The following RNF103 variants were observed in gnomAD, a reference collection of about 807,000 sequenced individuals.
RNF103 encodes ring finger protein 103.
Under a neutral mutation model 66.2 loss-of-function variants are expected in RNF103, and 23 were observed. That is an observed-to-expected ratio of 0.35 (90% confidence interval 0.25 to 0.49). The LOEUF is 0.49. Among genes scored for constraint, RNF103 ranks in the 20% least tolerant of loss-of-function variants. RNF103 has a pLI of 0.98. For synonymous variants in RNF103, 297 were observed against 289.9 expected (o/e 1.02, Z -0.25); for missense variants, 730 against 814.7 (o/e 0.90, Z 1.27).
rs949835797 is a variant in RNF103, at chr2:86,612,199, C to T, written c.442G>A (p.Gly148Arg). 6.2e-7 allele frequency: 1 copy of T among 1,613,644 alleles called. No individual in the cohort carries two copies. The highest frequency in any genetic ancestry group is 8.5e-7 in the Non-Finnish European group (1 of 1,179,830). Residue 148 changes from glycine to arginine, a missense_variant, in exon 3 of 4, where the codon GGA (glycine) becomes AGA (arginine). Gly to Arg is a moderately radical substitution (Grantham distance 125, BLOSUM62 -2). This residue lies in a region of RNF103 where 327 missense variants were observed against 369.8 expected (regional missense o/e 0.88). Coordinates refer to ENST00000237455, the MANE Select transcript of RNF103 (RefSeq NM_005667.4). ...EKMVKKVSRF[G>R]IRTGTFNCSS... ...CAGTTAAATGTGCCTGTACGTATTC[C>T]AAATCTTGACACCTTTTTAACCATT...
chr2:86,604,190 A>T lies in RNF103; in HGVS notation c.1711T>A (p.Cys571Ser), dbSNP rs372535418. The T allele has an allele frequency of 6.8e-6, 11 of 1,613,790 alleles. No individual in the cohort carries two copies. The highest frequency in any genetic ancestry group is 8.5e-6 in the Non-Finnish European group (10 of 1,180,036). ...GCACATGAACAAGCCTCAGCATCAC[A>T]GTGACTTGCTGTTCCTGGAGAATTG... is the stretch of plus-strand genomic sequence containing the variant. Reference protein sequence around the residue: ...LHNSPGTASHCDAEACSCANK... With the variant: ...LHNSPGTASHSDAEACSCANK... Residue 571 changes from cysteine to serine, a missense_variant, in exon 4 of 4, where the codon TGT (cysteine) becomes AGT (serine). Physicochemically the swap from Cys to Ser is moderately radical, Grantham distance 112. Around this residue, in one of 3 missense-constraint regions of RNF103, gnomAD observed 355 missense variants for 351.9 expected, o/e 1.01. Coordinates refer to ENST00000237455, the MANE Select transcript of RNF103 (RefSeq NM_005667.4).
chr2:86,613,644 G>A (rs1181816399), intron 2 of RNF103: 1 of 152,154 alleles, frequency 6.6e-6, no homozygotes, highest in African/African-American at 2.4e-5. Context: ...TGTGTAAAAT[G>A]AGTGCTGACA....
intron 2 of RNF103, chr2:86,613,278 A>G (rs944222527): frequency 1.2e-4 from 19 of 152,204 alleles, no homozygotes; most frequent in Non-Finnish European, 2.2e-4. Flanking sequence ...GACTTCTCTT[A>G]TAAGTGTCAG....
chr2:86,615,281 T>C (rs1480364600), intron 2 of RNF103: 1 of 975,924 alleles, frequency 1.0e-6, no homozygotes, highest in East Asian at 1.1e-4. Flanking sequence ...AAAAATCTTG[T>C]AGGCATTGCA....
rs192990433 is a variant in RNF103 at position 86,605,091 on chromosome 2, A to T, written c.810T>A (p.Asn270Lys). 3.2e-5 allele frequency: 52 copies of T among 1,613,838 alleles called. No homozygotes were observed. The Admixed American group carries it at 6.3e-4, about 20-fold the overall frequency. Residue 270 changes from asparagine to lysine, a missense_variant, in exon 4 of 4, where the codon AAT becomes AAA. Around this residue, in one of 3 missense-constraint regions of RNF103, gnomAD observed 327 missense variants for 369.8 expected, o/e 0.88. Coordinates refer to ENST00000237455, the MANE Select transcript of RNF103 (RefSeq NM_005667.4). Reference sequence around the variant, plus strand: ...CTGTCATATAACTCTTGTTGTCCCAATTTTCTACATTAACAAAAATAAACT... The same window carrying T: ...CTGTCATATAACTCTTGTTGTCCCATTTTTCTACATTAACAAAAATAAACT... ...RVEFIFVNVE[N>K]WDNKSYMTDI...
At chr2:86,618,203 CTTCAT>C (rs1402535495) in intron 2 of RNF103, 3 of 248,472 alleles carry the variant, frequency 1.2e-5, no homozygotes, top group Non-Finnish European at 2.5e-5. Context: ...TTGTCCTTCA[CTTCAT>C]TTGTCACCTT....
chr2:86,603,413 A>G lies in RNF103; in HGVS notation c.*430T>C, dbSNP rs1678418746. On this transcript the variant is annotated 3_prime_UTR_variant, in exon 4 of 4. Transcript: ENST00000237455. ...ATCTGTAATCTTCTGGTTTTAAAAT[A>G]ATTTATTTCATAGGTCTGTTTTAAT... The G allele has an allele frequency of 6.4e-6, 1 of 156,834 alleles. No homozygotes were observed. The allele number at this position is 156,834 out of a possible 1,614,324, so 9.7% of individuals were successfully genotyped here. A position where few individuals can be genotyped will look rare whatever the true frequency, so the allele number is the denominator to read the frequency against.
intron 3 of RNF103, among the ~76,000 whole-genome samples, chr2:86,607,889 C>G (rs1678632710): frequency 6.6e-6 from 1 of 152,170 alleles, no homozygotes; most frequent in South Asian, 2.1e-4. Flanking sequence ...GTTCTAAGTG[C>G]AGACATTTCT....
At chr2:86,609,397 T>C (rs1678697310) in intron 3 of RNF103, among the ~76,000 whole-genome samples, 1 of 151,080 alleles carries the variant, frequency 6.6e-6, no homozygotes, top group Admixed American at 6.6e-5. Context: ...TTTTTTTTTT[T>C]TTTTTGAGAC....
At chr2:86,610,972 G>C (rs1192309580) in intron 3 of RNF103, among the ~76,000 whole-genome samples, 1 of 147,832 alleles carries the variant, frequency 6.8e-6, no homozygotes, top group Non-Finnish European at 1.5e-5. Context: ...AGATTCTGTG[G>C]TTACCAGCCT....
At chr2:86,610,067 A>C (rs966263802) in intron 3 of RNF103, among the ~76,000 whole-genome samples, 3 of 152,236 alleles carry the variant, frequency 2.0e-5, no homozygotes, top group Non-Finnish European at 4.4e-5. Flanking sequence ...TTCTATGGCA[A>C]GAACAATTCT....
intron 3 of RNF103, among the ~76,000 whole-genome samples, chr2:86,611,090 C>A (rs1678775142): frequency 6.6e-6 from 1 of 150,878 alleles, no homozygotes; most frequent in African/African-American, 2.4e-5. Context: ...GTGGGAAGAT[C>A]ACTTGAGCCC....
intron 2 of RNF103, among the ~76,000 whole-genome samples, chr2:86,615,520 TTATA>T (rs4019180): frequency 1.5e-4 from 22 of 142,310 alleles, no homozygotes; most frequent in Admixed American, 5.0e-4. Flanking sequence ...TACATATGCC[TTATA>T]TATATATATA....
intron 3 of RNF103, among the ~76,000 whole-genome samples, chr2:86,606,071 GC>G (rs1678533301): frequency 6.6e-6 from 1 of 152,120 alleles, no homozygotes; most frequent in African/African-American, 2.4e-5. Flanking sequence ...GCAACAGCAA[GC>G]CCCATATATT....
chr2:86,603,832 A>G lies in RNF103; in HGVS notation c.*11T>C. 1 of 1,594,320 alleles carries G rather than the reference A, an allele frequency of 6.3e-7. No individual in the cohort carries two copies. The highest frequency in any genetic ancestry group is 8.5e-7 in the Non-Finnish European group (1 of 1,171,934). On this transcript the variant is annotated 3_prime_UTR_variant, in exon 4 of 4. Transcript: ENST00000237455. ...GATACTCAAAGCTTATAAAGGACAA[A>G]TTGCACATGGTTAAGATGGGACATC...
chr2:86,623,022 G>T lies in RNF103; in HGVS notation c.-136C>A. 7.4e-7 allele frequency: 1 copy of T among 1,359,884 alleles called. No homozygotes were observed. Among genetic ancestry groups the T allele is most frequent in the Non-Finnish European group, 9.4e-7 (1 of 1,062,468 alleles). 84.2% of individuals were successfully genotyped at this position (1,359,884 alleles called of 1,614,324 possible). On this transcript the variant is annotated 5_prime_UTR_variant, in exon 1 of 4. Transcript: ENST00000237455. The stretch of plus-strand genomic sequence containing the variant: ...CGCGGGCCACCCGGCGCCGTCACTG[G>T]CCGGCCATCCCCGGCGGGGAAGCAG...
Position 86,619,125 on chromosome 2 carries a change from A to G in RNF103, c.366+1205T>C, listed in dbSNP as rs75140094. ...TACAGTACCATTTTATCCTTTTTAG[A>G]TGTATATGTATTTATTTGAGGCCAC... On this transcript the variant is annotated intron_variant, in intron 2 of 3. Transcript: ENST00000237455. Among the ~76,000 whole-genome samples the G allele has an allele frequency of 4.1e-3, 618 of 152,262 alleles. 6 individuals carry two copies. Among genetic ancestry groups the G allele is most frequent in the African/African-American group, 0.014 (598 of 41,548 alleles).
chr2:86,605,372 C>A lies in RNF103; in HGVS notation c.529G>T (p.Val177Phe), dbSNP rs199540812. 2 of 1,613,954 alleles carry A rather than the reference C, an allele frequency of 1.2e-6. No individual in the cohort carries two copies. The highest frequency in any genetic ancestry group is 1.7e-6 in the Non-Finnish European group (2 of 1,179,938). Reference protein sequence around the residue: ...GWVRSTLIMSVPQTSTSKGKV... With the variant: ...GWVRSTLIMSFPQTSTSKGKV... ...CCTTTTGAAGTACTTGTTTGTGGAA[C>A]AGACATAATGAGTGTGGATCGGACC... Residue 177 changes from valine (V) to phenylalanine (F), a missense_variant, in exon 4 of 4, where the codon GTT (valine) becomes TTT (phenylalanine). Around this residue, in one of 3 missense-constraint regions of RNF103, gnomAD observed 327 missense variants for 369.8 expected, o/e 0.88. Coordinates refer to ENST00000237455, the MANE Select transcript of RNF103 (RefSeq NM_005667.4).
intron 2 of RNF103, chr2:86,614,686 T>C: frequency 5.8e-6 from 5 of 863,736 alleles, no homozygotes; most frequent in South Asian, 5.2e-5. Flanking sequence ...TGTTCTTTAT[T>C]TTATTTTATT....
Sources: gnomAD v4.1 joint callset for allele counts (sites outside exome capture counted in the v4.1 genomes callset) on GRCh38, gnomAD v4.1.1 for gene constraint, gnomAD v4.1.1 regional missense constraint, MANE v1.5 for transcripts, NCBI Gene and HGNC (gene_info 2026-07-23, HGNC 2026-07-21) for gene names.